Variants in PRX observed in about 807,000 individuals in gnomAD.
PRX encodes periaxin.
A neutral mutation model predicts 29.6 loss-of-function variants in PRX; 24 were observed. That is an observed-to-expected ratio of 0.81 (90% CI 0.59 to 1.14). PRX has a LOEUF of 1.14. Among genes scored for constraint, PRX ranks in the 50% most tolerant of loss-of-function variants. The pLI is 0.00. For synonymous variants in PRX, 772 were observed against 831.7 expected (o/e 0.93, Z 1.24); for missense variants, 1,838 against 1,926.4 (o/e 0.95, Z 0.86).
rs1755292583 is a variant in PRX at position 40,398,279 on chromosome 19, A to T, written c.382-309T>A. 11 of 1,414,740 alleles carry T rather than the reference A, an allele frequency of 7.8e-6. 1 individual carries two copies. The South Asian group carries it at 1.8e-4, about 23-fold the overall frequency. The allele number at this position is 1,414,740 out of a possible 1,614,324, so 87.6% of individuals were successfully genotyped here. On this transcript the variant is annotated intron_variant, in intron 6 of 6. Coordinates refer to ENST00000324001, the MANE Select transcript of PRX (RefSeq NM_181882.3). This position sits in a 1 kb window ranked among gnomAD's most constrained non-coding sequence, Gnocchi z 6.3. ...GGGAAACTGAGGCCCAGGGAGAGAA[A>T]CAACTTTGTCCAGGGCCACTCAGCA...
At chr19:40,399,434 T>C (rs1568711165) in intron 5 of PRX, among the ~76,000 whole-genome samples, 1 of 152,248 alleles carries the variant, frequency 6.6e-6, no homozygotes, top group Non-Finnish European at 1.5e-5. Context: ...TATTGAGTTC[T>C]CCAGTGGCAT....
chr19:40,407,992 GA>G lies in PRX; in HGVS notation c.-61del. 1 of 1,611,028 alleles carries G rather than the reference GA, an allele frequency of 6.2e-7. No individual in the cohort carries two copies. The highest frequency in any genetic ancestry group is 8.5e-7 in the Non-Finnish European group (1 of 1,178,832). On this transcript the variant is annotated 5_prime_UTR_variant, in exon 4 of 7. Coordinates refer to ENST00000324001, the MANE Select transcript of PRX (RefSeq NM_181882.3). Reference sequence around the variant, plus strand: ...TGTGTCCTCTCCCCTTTCTGCTGCAGAACCAGCTTCAGTTCTGCATGGAGCA... The same window carrying G: ...TGTGTCCTCTCCCCTTTCTGCTGCAGACCAGCTTCAGTTCTGCATGGAGCA...
At chr19:40,403,605 C>T (rs1478461721) in intron 5 of PRX, 101 bp downstream of exon 5, 36 of 1,398,776 alleles carry the variant, frequency 2.6e-5, no homozygotes, top group Admixed American at 7.1e-5. Context: ...GCCGGTCACG[C>T]CCCCATCCCC....
Position 40,403,707 on chromosome 19 carries a change from T to A in PRX, c.183A>T (p.Glu61Asp), listed in dbSNP as rs2145741095. ...GCCCCACACCCCGGGCCCGCCCACC[T>A]TCCTGCAGGCTGAGGCTCCTGGCGG... Reference protein sequence around the residue: ...SPAARSLSLQEGDQLLSARVF... With the variant: ...SPAARSLSLQDGDQLLSARVF... The change falls in exon 5 of 7, where the codon GAA (glutamate) becomes GAT (aspartate). Residue 61 changes from glutamate to aspartate, a missense_variant and splice_region_variant. Transcript: ENST00000324001. 6.5e-7 allele frequency: 1 copy of A among 1,530,134 alleles called. No individual in the cohort carries two copies. The highest frequency in any genetic ancestry group is 8.8e-7 in the Non-Finnish European group (1 of 1,134,574). The allele number at this position is 1,530,134 out of a possible 1,614,324, so 94.8% of individuals were successfully genotyped here.
In PRX at chr19:40,398,500, C is replaced by T. The variant is rs1206837799; in HGVS notation, c.381+120G>A. On this transcript the variant is annotated intron_variant, in intron 6 of 6. Coordinates refer to ENST00000324001, the MANE Select transcript of PRX (RefSeq NM_181882.3). This position sits in a 1 kb window ranked among gnomAD's most constrained non-coding sequence, Gnocchi z 6.3. ...AGGAAGGGGCAGAGGGTGGAATTAG[C>T]TTGGGTTAGTGACAAGACAGAGGGC... The T allele has an allele frequency of 3.2e-6, 5 of 1,560,488 alleles. No individual in the cohort carries two copies. The highest frequency in any genetic ancestry group is 3.5e-6 in the Non-Finnish European group (4 of 1,156,104).
In PRX at chr19:40,408,801, TTTG is replaced by T. The variant is rs375665420; in HGVS notation, c.-242-421_-242-419del. Among the ~76,000 whole-genome samples, 494 of 141,138 alleles carry T rather than the reference TTTG, an allele frequency of 3.5e-3. 1 individual carries two copies. The highest frequency in any genetic ancestry group is 5.3e-3 in the Admixed American group (77 of 14,466). 92.6% of individuals were successfully genotyped at this position (141,138 alleles called of 152,430 possible). On this transcript the variant is annotated intron_variant, in intron 1 of 6. Transcript: ENST00000324001. ...GCATGCCACAACACCCGGCTACGTT[TTTG>T]TTGTTGTTGGTGGTGTGTGTGTGTG...
In PRX at chr19:40,396,088, A is replaced by T. The variant is rs1462186107; in HGVS notation, c.2264T>A (p.Leu755Gln). The change falls in exon 7 of 7, where the codon CTG (leucine) becomes CAG (glutamine). Residue 755 changes from leucine (L) to glutamine (Q), a missense_variant. By Grantham distance (113) the Leu-to-Gln change is moderately radical. This residue lies in a region of PRX where 1,143 missense variants were observed against 1,193.0 expected (regional missense o/e 0.96). Transcript: ENST00000324001. ...AACCTTCGGCACTTGCATTTCCGGC[A>T]GCCGAATCTCTGACACTTTCGGCAG... ...VQLPKVSEIR[L>Q]PEMQVPKVPD... The T allele has an allele frequency of 3.7e-6, 6 of 1,614,082 alleles. No individual in the cohort carries two copies. Among genetic ancestry groups the T allele is most frequent in the Non-Finnish European group, 4.2e-6 (5 of 1,180,048 alleles).
At chr19:40,401,878 T>C (rs2079496787) in intron 5 of PRX, among the ~76,000 whole-genome samples, 1 of 151,776 alleles carries the variant, frequency 6.6e-6, no homozygotes, top group African/African-American at 2.4e-5. Flanking sequence ...CTCAGTCTCC[T>C]GAGTAGCTGG....
At position 40,398,256 on chromosome 19, in the gene PRX, G is replaced by A; in HGVS notation, c.382-286C>T. The A allele has an allele frequency of 7.1e-7, 1 of 1,414,252 alleles. No individual in the cohort carries two copies. The highest frequency in any genetic ancestry group is 1.4e-5 in the African/African-American group (1 of 69,432). The allele number at this position is 1,414,252 out of a possible 1,614,324, so 87.6% of individuals were successfully genotyped here. ...CCAACATCCTCATTCTAGAGATGGG[G>A]AAACTGAGGCCCAGGGAGAGAAACA... On this transcript the variant is annotated intron_variant, in intron 6 of 6. Transcript: ENST00000324001. The surrounding 1 kb of genome is among the most constrained non-coding windows in gnomAD (Gnocchi z 6.3).
upstream of PRX, among the ~76,000 whole-genome samples, chr19:40,413,976 C>G (rs940756327): frequency 6.6e-6 from 1 of 152,084 alleles, no homozygotes; most frequent in East Asian, 1.9e-4. Context: ...GGGTTTTGGC[C>G]CCTTTTCAGT....
Position 40,394,583 on chromosome 19 carries a change from C to G in PRX, c.3769G>C (p.Gly1257Arg). ...GGCTGCTCCTCAGCACCCTCGCCCC[C>G]CACCCTAGCTCTGGCCCCCAGTGTG... ...LPTLGARARV[G>R]GEGAEEQPPG... Residue 1257 changes from glycine to arginine, a missense_variant, in exon 7 of 7, where the codon GGG (glycine) becomes CGG (arginine). By Grantham distance (125) the Gly-to-Arg change is moderately radical. This residue lies in a region of PRX where 1,143 missense variants were observed against 1,193.0 expected (regional missense o/e 0.96). Coordinates refer to ENST00000324001, the MANE Select transcript of PRX (RefSeq NM_181882.3). The surrounding 1 kb of genome is among the most constrained non-coding windows in gnomAD (Gnocchi z 5.8). The G allele has an allele frequency of 6.2e-7, 1 of 1,609,284 alleles. No homozygotes were observed. The highest frequency in any genetic ancestry group is 8.5e-7 in the Non-Finnish European group (1 of 1,179,184).
At chr19:40,403,685 C>A in intron 5 of PRX, 21 bp downstream of exon 5, 1 of 1,537,584 alleles carries the variant, frequency 6.5e-7, no homozygotes, top group East Asian at 2.5e-5. Flanking sequence ...CGACCCCGCC[C>A]CACACCCCGG....
rs975416679 is a variant in PRX, at chr19:40,404,558, C to T, written c.28-696G>A. On this transcript the variant is annotated intron_variant, in intron 4 of 6. Coordinates refer to ENST00000324001, the MANE Select transcript of PRX (RefSeq NM_181882.3). ...TATGGGAGGTTATTTGGAGCTGGGG[C>T]GGAGACCCTTATTATTTTTTTGTTG... is the stretch of plus-strand genomic sequence containing the variant. 5.3e-5 allele frequency among the ~76,000 whole-genome samples: 8 copies of T among 151,504 alleles called. No homozygotes were observed. The South Asian group carries it at 6.2e-4, about 12-fold the overall frequency.
At position 40,396,495 on chromosome 19, in the gene PRX, T is replaced by C. The variant is rs779898963; in HGVS notation, c.1857A>G (p.Pro619=). ...PEMAVPDVHL[P]EVQLPKVPEM... Reference sequence around the variant, plus strand: ...CTGGGACTTTTGGAAGCTGCACTTCTGGGAGGTGCACATCGGGCACGGCCA... The same window carrying C: ...CTGGGACTTTTGGAAGCTGCACTTCCGGGAGGTGCACATCGGGCACGGCCA... Residue 619 remains proline, a synonymous_variant, in exon 7 of 7, where the codon CCA becomes CCG. Transcript: ENST00000324001. 3 of 1,607,830 alleles carry C rather than the reference T, an allele frequency of 1.9e-6. No homozygotes were observed. Among genetic ancestry groups the C allele is most frequent in the Non-Finnish European group, 2.5e-6 (3 of 1,178,136 alleles).
chr19:40,400,829 C>G (rs1454780038), intron 5 of PRX, among the ~76,000 whole-genome samples: 1 of 152,126 alleles, frequency 6.6e-6, no homozygotes, highest in East Asian at 1.9e-4. Context: ...CTTGGGAATT[C>G]TTGGGAAGTT....
At position 40,394,393 on chromosome 19, in the gene PRX, G is replaced by A; in HGVS notation, c.3959C>T (p.Ala1320Val). ...RFGLVRAKEG[A>V]EEGEKAKSPK... ...GCTCTTGGCCTTCTCACCCTCCTCG[G>A]CCCCCTCCTTGGCCCGCACCAGGCC... Residue 1320 changes from alanine to valine, a missense_variant, in exon 7 of 7, where the codon GCC becomes GTC. By Grantham distance (64) the Ala-to-Val change is moderately conservative. Coordinates refer to ENST00000324001, the MANE Select transcript of PRX (RefSeq NM_181882.3). This position sits in a 1 kb window ranked among gnomAD's most constrained non-coding sequence, Gnocchi z 5.8. The A allele has an allele frequency of 1.3e-6, 2 of 1,599,406 alleles. No homozygotes were observed. The highest frequency in any genetic ancestry group is 1.7e-6 in the Non-Finnish European group (2 of 1,173,130).
At position 40,393,822 on chromosome 19, in the gene PRX, G is replaced by A. The variant is rs189487790; in HGVS notation, c.*144C>T. 9.9e-4 allele frequency: 1,234 copies of A among 1,245,240 alleles called. 16 individuals are homozygous for A. The Admixed American group carries it at 0.023, about 23-fold the overall frequency. 77.1% of individuals were successfully genotyped at this position (1,245,240 alleles called of 1,614,324 possible). A position where few individuals can be genotyped will look rare whatever the true frequency, so the allele number is the denominator to read the frequency against. On this transcript the variant is annotated 3_prime_UTR_variant, in exon 7 of 7. Transcript: ENST00000324001. Reference sequence around the variant, plus strand: ...TGGTGGGGTACAGGCACTCCTGCCAGAGAGACAGGAGCAGGCCTCCCTGCC... The same window carrying A: ...TGGTGGGGTACAGGCACTCCTGCCAAAGAGACAGGAGCAGGCCTCCCTGCC...
Position 40,395,772 on chromosome 19 carries a change from G to T in PRX, c.2580C>A (p.Asp860Glu). 6.2e-7 allele frequency: 1 copy of T among 1,614,154 alleles called. No individual in the cohort carries two copies. Among genetic ancestry groups the T allele is most frequent in the Non-Finnish European group, 8.5e-7 (1 of 1,180,036 alleles). Residue 860 changes from aspartate (D) to glutamate (E), a missense_variant, in exon 7 of 7, where the codon GAC becomes GAA. By Grantham distance (45) the Asp-to-Glu change is conservative. Transcript: ENST00000324001. ...CCTGCAGGCCAAGTGCTCCTGGCAGGTCTAGCTCCACTGAAGGCAGAGTGA... is the reference window on the plus strand; with the variant it reads ...CCTGCAGGCCAAGTGCTCCTGGCAGTTCTAGCTCCACTGAAGGCAGAGTGA... ...PSLTLPSVEL[D>E]LPGALGLQGQ...
At chr19:40,402,164 A>G (rs1013097294) in intron 5 of PRX, among the ~76,000 whole-genome samples, 3 of 151,802 alleles carry the variant, frequency 2.0e-5, no homozygotes, top group African/African-American at 7.3e-5. Context: ...CATCCTGGCT[A>G]ACACGGTGAA....
Sources: gnomAD v4.1 joint callset for allele counts (sites outside exome capture counted in the v4.1 genomes callset) on GRCh38, gnomAD v4.1.1 for gene constraint, gnomAD v4.1.1 regional missense constraint, Gnocchi (gnomAD v3.1) non-coding constraint, MANE v1.5 for transcripts, NCBI Gene and HGNC (gene_info 2026-07-23, HGNC 2026-07-21) for gene names.